Variants in CFAP74 observed in about 807,000 individuals in gnomAD.
CFAP74 encodes cilia- and flagella-associated protein 74.
A neutral mutation model predicts 188.9 loss-of-function variants in CFAP74; 124 were observed. That is an observed-to-expected ratio of 0.66 (90% confidence interval 0.57 to 0.76). The LOEUF (loss-of-function observed/expected upper bound fraction) is 0.76, where lower values mean the gene tolerates loss of function less well. Among genes scored for constraint, CFAP74 ranks in the 30% least tolerant of loss-of-function variants. CFAP74 has a pLI of 0.00. For synonymous variants in CFAP74, 956 were observed against 916.7 expected (o/e 1.04, Z -0.77); for missense variants, 2,198 against 2,165.2 (o/e 1.02, Z -0.30).
At position 1,934,941 on chromosome 1, in the gene CFAP74, A is replaced by AATGAAAGTGTGACCCCTGGCATTC. The variant is rs1351244889; in HGVS notation, c.3011+3913_3011+3914insGAATGCCAGGGGTCACACTTTCAT. Among the ~76,000 whole-genome samples, 257 of 76,302 alleles carry AATGAAAGTGTGACCCCTGGCATTC rather than the reference A, an allele frequency of 3.4e-3. 18 individuals are homozygous for AATGAAAGTGTGACCCCTGGCATTC. The highest frequency in any genetic ancestry group is 0.026 in the Middle Eastern group (3 of 114). 50.1% of individuals were successfully genotyped at this position (76,302 alleles called of 152,430 possible). A position where few individuals can be genotyped will look rare whatever the true frequency, so the allele number is the denominator to read the frequency against. On this transcript the variant is annotated intron_variant, in intron 25 of 38. Coordinates refer to ENST00000682832, the MANE Select transcript of CFAP74 (RefSeq NM_001304360.2). ...TTAGGTTGTAGGTACACAGGTGTGT[A>AATGAAAGTGTGACCCCTGGCATTC]CGTGGGTGTTAGGTTGTAGGTACAC...
intron 21 of CFAP74, among the ~76,000 whole-genome samples, chr1:1,943,517 C>T (rs1033250820): frequency 7.2e-5 from 11 of 152,364 alleles, no homozygotes; most frequent in Non-Finnish European, 1.2e-4. Flanking sequence ...GGCACAGGGG[C>T]TCCGTCATGG....
intron 10 of CFAP74, among the ~76,000 whole-genome samples, chr1:1,970,075 G>A (rs1459654614): frequency 2.0e-5 from 3 of 152,236 alleles, no homozygotes; most frequent in Non-Finnish European, 4.4e-5. Flanking sequence ...AGCCCAGTGG[G>A]GCCCGTGGGT....
At chr1:1,959,886 T>C in intron 15 of CFAP74, 78 bp downstream of exon 15, 3 of 1,282,206 alleles carry the variant, frequency 2.3e-6, no homozygotes, top group African/African-American at 1.6e-5. Flanking sequence ...CCCATCATGT[T>C]CTGCGCCACC....
intron 18 of CFAP74, among the ~76,000 whole-genome samples, chr1:1,948,899 TTCCC>T (rs1653974516): frequency 1.5e-5 from 2 of 136,222 alleles, no homozygotes; most frequent in African/African-American, 5.4e-5. Context: ...CCCTCCCTCC[TTCCC>T]TTCCTTCCTT....
At chr1:1,959,866 G>A (rs1369373677) in intron 15 of CFAP74, 98 bp downstream of exon 15, 12 of 1,037,760 alleles carry the variant, frequency 1.2e-5, no homozygotes, top group Non-Finnish European at 1.4e-5. Flanking sequence ...GAGGCCAAGT[G>A]CATCCTTCCC....
At chr1:2,001,487 A>G (rs1301629277) in intron 1 of CFAP74, among the ~76,000 whole-genome samples, 4 of 151,508 alleles carry the variant, frequency 2.6e-5, no homozygotes, top group African/African-American at 4.9e-5. Context: ...CCGCCACCAC[A>G]CCTGGCTAAT....
At chr1:1,967,276 GGA>G (rs1655535323) in intron 11 of CFAP74, among the ~76,000 whole-genome samples, 1 of 152,216 alleles carries the variant, frequency 6.6e-6, no homozygotes, top group Non-Finnish European at 1.5e-5. Flanking sequence ...CAGGCCTGCT[GGA>G]GAAGGGGGAA....
In CFAP74 at chr1:1,974,041, G is replaced by A. The variant is rs370819164; in HGVS notation, c.658C>T (p.Arg220Ter). 1.2e-5 allele frequency: 19 copies of A among 1,582,566 alleles called. No homozygotes were observed. Among genetic ancestry groups the A allele is most frequent in the African/African-American group, 4.1e-5 (3 of 73,928 alleles). Reference protein sequence around the residue: ...QEALGKVERNRLLRIRKSLNT... With the variant: ...QEALGKVERN The stretch of plus-strand genomic sequence containing the variant: ...GTCGCCTACCTGATCCTCAGCAGTC[G>A]GTTCCGCTCCACCTTCCCCAGGGCC... The change falls in exon 7 of 39, where the codon CGA becomes TGA. Residue 220 changes from arginine to a stop codon, truncating the protein, a stop_gained. Transcript: ENST00000682832. LOFTEE classifies it high-confidence loss of function.
chr1:1,936,399 C>T (rs550676473), intron 25 of CFAP74, among the ~76,000 whole-genome samples: 34 of 151,114 alleles, frequency 2.2e-4, no homozygotes, highest in Non-Finnish European at 4.9e-4. Context: ...CAAAAATTAG[C>T]TGGGCGTGGT....
Position 1,922,260 on chromosome 1 carries a change from GGGCC to G in CFAP74, c.*23_*26del. 10 of 1,569,188 alleles carry G rather than the reference GGGCC, an allele frequency of 6.4e-6. No homozygotes were observed. The highest frequency in any genetic ancestry group is 3.4e-4 in the Middle Eastern group (2 of 5,894). On this transcript the variant is annotated 3_prime_UTR_variant, in exon 39 of 39. Transcript: ENST00000682832. ...GGGAGGGCTTTGAGGGTGGACAGGAGGGCCCGAGGGTGCTCTGTGCAGAGGCTTA... is the reference window on the plus strand; with the variant it reads ...GGGAGGGCTTTGAGGGTGGACAGGAGCGAGGGTGCTCTGTGCAGAGGCTTA...
intron 9 of CFAP74, among the ~76,000 whole-genome samples, chr1:1,971,129 G>C (rs1004367873): frequency 2.9e-5 from 4 of 139,496 alleles, no homozygotes; most frequent in African/African-American, 1.1e-4. Context: ...GCTCACACGT[G>C]CACACACATG....
chr1:1,985,338 C>T, intron 6 of CFAP74, 48 bp downstream of exon 6: 2 of 1,524,818 alleles, frequency 1.3e-6, no homozygotes, highest in Non-Finnish European at 1.8e-6. Context: ...AGGACTCGCA[C>T]CGTTCTGGGG....
In CFAP74 at chr1:1,970,737, G is replaced by T. The variant is rs193075593; in HGVS notation, c.968C>A (p.Ala323Glu). The T allele has an allele frequency of 6.2e-7, 1 of 1,614,156 alleles. No individual in the cohort carries two copies. Residue 323 changes from alanine (A) to glutamate (E), a missense_variant, in exon 10 of 39, where the codon GCG (alanine) becomes GAG (glutamate). Transcript: ENST00000682832. ...AEQRVQAEKK[A>E]ILAQGRDAFR... ...TGCATCCCTGCCCTGGGCCAGAATC[G>T]CCTTCTTCTCAGCCTGGACCCTCTG... is the stretch of plus-strand genomic sequence containing the variant.
At position 1,946,453 on chromosome 1, in the gene CFAP74, G is replaced by A. The variant is rs1653783441; in HGVS notation, c.2242-14C>T. Reference sequence around the variant, plus strand: ...CCCTTCTGTTACCTGCACAGGAAGAGATGCCATGGGGTCTGCCAGGCTTCA... The same window carrying A: ...CCCTTCTGTTACCTGCACAGGAAGAAATGCCATGGGGTCTGCCAGGCTTCA... On this transcript the variant is annotated splice_polypyrimidine_tract_variant and intron_variant, in intron 19 of 38. Coordinates refer to ENST00000682832, the MANE Select transcript of CFAP74 (RefSeq NM_001304360.2). 2 of 1,528,782 alleles carry A rather than the reference G, an allele frequency of 1.3e-6. No homozygotes were observed. Among genetic ancestry groups the A allele is most frequent in the Middle Eastern group, 1.7e-4 (1 of 5,942 alleles). 94.7% of individuals were successfully genotyped at this position (1,528,782 alleles called of 1,614,324 possible). A position where few individuals can be genotyped will look rare whatever the true frequency, so the allele number is the denominator to read the frequency against.
chr1:1,997,014 C>T (rs544285327), intron 1 of CFAP74, among the ~76,000 whole-genome samples: 6 of 151,350 alleles, frequency 4.0e-5, no homozygotes, highest in Non-Finnish European at 8.8e-5. Context: ...CCACAGCAAA[C>T]GTCACACTTA....
intron 25 of CFAP74, among the ~76,000 whole-genome samples, chr1:1,930,693 C>T (rs533361845): frequency 2.0e-5 from 3 of 152,272 alleles, no homozygotes; most frequent in African/African-American, 7.2e-5. Flanking sequence ...GTAGCTGGGA[C>T]TACAGATGAG....
chr1:1,956,484 G>C (rs2102061869), intron 17 of CFAP74, 136 bp downstream of exon 17: 1 of 1,029,736 alleles, frequency 9.7e-7, no homozygotes, highest in Non-Finnish European at 1.4e-6. Context: ...AGGCTGATTT[G>C]AGGAGGCCCC....
rs924684393 is a variant in CFAP74, at chr1:1,939,604, C to T, written c.2867G>A (p.Arg956Lys). 1.3e-6 allele frequency: 2 copies of T among 1,535,614 alleles called. No homozygotes were observed. The highest frequency in any genetic ancestry group is 2.7e-5 in the African/African-American group (2 of 73,142). Reference sequence around the variant, plus strand: ...GGCTGCAGGAGGTACCTTGGGAAGCCTGACGAACCCGAACTCCTGGGGCAG... The same window carrying T: ...GGCTGCAGGAGGTACCTTGGGAAGCTTGACGAACCCGAACTCCTGGGGCAG... Reference protein sequence around the residue: ...SLLPQEFGFVRLPKFVDVQPN... With the variant: ...SLLPQEFGFVKLPKFVDVQPN... Residue 956 changes from arginine to lysine, a missense_variant, in exon 24 of 39, where the codon AGG (arginine) becomes AAG (lysine). By Grantham distance (26) the Arg-to-Lys change is conservative (BLOSUM62 2). Coordinates refer to ENST00000682832, the MANE Select transcript of CFAP74 (RefSeq NM_001304360.2).
rs772827361 is a variant in CFAP74, at chr1:1,955,141, C to T, written c.2176+550G>A. 5.8e-5 allele frequency: 73 copies of T among 1,255,076 alleles called. No individual in the cohort carries two copies. In the South Asian group the frequency reaches 6.9e-4, roughly 12 times the overall value. The allele number at this position is 1,255,076 out of a possible 1,614,324, so 77.7% of individuals were successfully genotyped here. ...GCGCTGAGCTGCAGGGCGTGCGGAA[C>T]GCGCACCACGCGAAGACAGACAGGA... On this transcript the variant is annotated intron_variant, in intron 18 of 38. Coordinates refer to ENST00000682832, the MANE Select transcript of CFAP74 (RefSeq NM_001304360.2).
Sources: gnomAD v4.1 joint callset for allele counts (sites outside exome capture counted in the v4.1 genomes callset) on GRCh38, gnomAD v4.1.1 for gene constraint, MANE v1.5 for transcripts, NCBI Gene and HGNC (gene_info 2026-07-23, HGNC 2026-07-21) for gene names.